The following STAG1 variants were observed in gnomAD, a reference collection of about 807,000 sequenced individuals.
The protein encoded by STAG1 is cohesin subunit SA-1.
In STAG1, 26 loss-of-function variants were observed where a neutral mutation model predicts 170.9. That is an observed-to-expected ratio of 0.15 (90% CI 0.11 to 0.21). STAG1 has a LOEUF of 0.21. Ranked by LOEUF, STAG1 falls within the 10% of genes least tolerant of loss-of-function variation. STAG1 has a pLI of 1.00. For missense variants in STAG1, 964 were observed against 1,509.5 expected (o/e 0.64, Z 5.99); for synonymous variants, 514 against 497.7 (o/e 1.03, Z -0.44).
At chr3:136,624,669 T>G (rs939892784) in intron 2 of STAG1, among the ~76,000 whole-genome samples, 1 of 152,222 alleles carries the variant, frequency 6.6e-6, no homozygotes, top group Non-Finnish European at 1.5e-5. Context: ...TCTGCATTGT[T>G]AACAATTTCT....
intron 21 of STAG1, among the ~76,000 whole-genome samples, chr3:136,409,179 G>A (rs1241052488): frequency 2.0e-5 from 3 of 152,068 alleles, no homozygotes; most frequent in Non-Finnish European, 2.9e-5. Flanking sequence ...CAGGAGAATT[G>A]GTTGAACCTG....
At chr3:136,390,812 C>G (rs2108327194) in intron 22 of STAG1, among the ~76,000 whole-genome samples, 1 of 152,278 alleles carries the variant, frequency 6.6e-6, no homozygotes, top group African/African-American at 2.4e-5. Flanking sequence ...TTGCTCACTG[C>G]TATTCTGAAG....
intron 13 of STAG1, among the ~76,000 whole-genome samples, chr3:136,452,721 T>C (rs894142158): frequency 2.0e-5 from 3 of 152,146 alleles, no homozygotes; most frequent in Admixed American, 1.3e-4. Context: ...AATGTTCAAA[T>C]ATGTGTGAAA....
intron 1 of STAG1, among the ~76,000 whole-genome samples, chr3:136,670,190 A>G (rs906073572): frequency 1.3e-5 from 2 of 152,242 alleles, no homozygotes; most frequent in African/African-American, 2.4e-5. Context: ...GCACATAGGT[A>G]TATGTAACTG....
At chr3:136,518,996 A>C (rs1318040393) in intron 7 of STAG1, among the ~76,000 whole-genome samples, 1 of 152,092 alleles carries the variant, frequency 6.6e-6, no homozygotes, top group Non-Finnish European at 1.5e-5. Context: ...GGAGATAACC[A>C]AAGGGATAAG....
intron 7 of STAG1, among the ~76,000 whole-genome samples, chr3:136,515,518 G>A (rs904108814): frequency 2.6e-4 from 40 of 152,108 alleles, no homozygotes; most frequent in Admixed American, 2.3e-3. Context: ...AGGATTATTA[G>A]TATCTATGCT....
At chr3:136,456,376 T>A (rs2089112461) in intron 13 of STAG1, among the ~76,000 whole-genome samples, 1 of 151,842 alleles carries the variant, frequency 6.6e-6, no homozygotes, top group African/African-American at 2.4e-5. Flanking sequence ...AGTGAAAAAC[T>A]CACTAGAAAG....
intron 12 of STAG1, among the ~76,000 whole-genome samples, chr3:136,469,461 A>G (rs1297703676): frequency 2.0e-5 from 3 of 152,224 alleles, no homozygotes; most frequent in East Asian, 3.9e-4. Flanking sequence ...AGAACTACAA[A>G]CCACTGCTCA....
chr3:136,470,884 C>CA (rs1413806951), intron 12 of STAG1, among the ~76,000 whole-genome samples: 2 of 150,184 alleles, frequency 1.3e-5, no homozygotes, highest in Non-Finnish European at 2.9e-5. Context: ...ATCACAAGGA[C>CA]AAAAAACCAA....
intron 25 of STAG1, among the ~76,000 whole-genome samples, chr3:136,365,626 A>G (rs898774116): frequency 1.3e-5 from 2 of 152,178 alleles, no homozygotes; most frequent in Non-Finnish European, 2.9e-5. Flanking sequence ...AGGATGAGGA[A>G]TAACTTTTCT....
rs1470936669 is a variant in STAG1, at chr3:136,463,733, A to ATGTG, written c.1313+1147_1313+1148insCACA. 8.3e-4 allele frequency among the ~76,000 whole-genome samples: 35 copies of ATGTG among 42,410 alleles called. 1 individual carries two copies. Among genetic ancestry groups the ATGTG allele is most frequent in the African/African-American group, 1.8e-3 (19 of 10,812 alleles). The allele number at this position is 42,410 out of a possible 152,430, so 27.8% of individuals were successfully genotyped here. A position where few individuals can be genotyped will look rare whatever the true frequency, so the allele number is the denominator to read the frequency against. ...TCTCTCTAAAAAAAAAAAAATGTGTATATGTGTGTGTGTGTGTGTGTGTGT... is the reference window on the plus strand; with the variant it reads ...TCTCTCTAAAAAAAAAAAAATGTGTATGTGTATGTGTGTGTGTGTGTGTGTGTGT... On this transcript the variant is annotated intron_variant, in intron 13 of 33. Transcript: ENST00000383202.
At chr3:136,515,238 G>A (rs1934300645) in intron 7 of STAG1, among the ~76,000 whole-genome samples, 1 of 151,958 alleles carries the variant, frequency 6.6e-6, no homozygotes, top group African/African-American at 2.4e-5. Flanking sequence ...GGTAGTGCAC[G>A]CCTGCAGTCC....
intron 9 of STAG1, among the ~76,000 whole-genome samples, chr3:136,498,245 T>TACAC (rs1464716530): frequency 1.0e-4 from 7 of 68,252 alleles, no homozygotes; most frequent in African/African-American, 5.1e-4. Context: ...CACATACATA[T>TACAC]ACATACACAC....
At chr3:136,748,692 G>A (rs910954850) in intron 1 of STAG1, among the ~76,000 whole-genome samples, 2 of 152,204 alleles carry the variant, frequency 1.3e-5, no homozygotes, top group Non-Finnish European at 2.9e-5. Flanking sequence ...GTCAGCCACT[G>A]TACCAGGCCA....
intron 6 of STAG1, among the ~76,000 whole-genome samples, chr3:136,532,149 AAT>A (rs950119432): frequency 6.6e-6 from 1 of 152,178 alleles, no homozygotes; most frequent in Non-Finnish European, 1.5e-5. Context: ...AGAAATGAAA[AAT>A]GAGACATTAC....
At chr3:136,471,432 G>GA (rs1478128356) in intron 12 of STAG1, among the ~76,000 whole-genome samples, 6 of 150,938 alleles carry the variant, frequency 4.0e-5, no homozygotes, top group Non-Finnish European at 8.9e-5. Flanking sequence ...ACTAGATTTT[G>GA]AAAAAAAAGA....
intron 21 of STAG1, among the ~76,000 whole-genome samples, chr3:136,404,028 G>A (rs111602679): frequency 1.2e-3 from 178 of 152,292 alleles, no homozygotes; most frequent in African/African-American, 2.5e-3. Context: ...AACTTCTCCT[G>A]TCAAGCTTCA....
At chr3:136,544,083 C>T (rs529620157) in intron 5 of STAG1, among the ~76,000 whole-genome samples, 111 of 152,288 alleles carry the variant, frequency 7.3e-4, no homozygotes, top group Admixed American at 1.3e-3. Flanking sequence ...ATCACCTAGA[C>T]CTATAGCATC....
At chr3:136,471,205 G>C (rs1029881078) in intron 12 of STAG1, among the ~76,000 whole-genome samples, 3 of 151,872 alleles carry the variant, frequency 2.0e-5, no homozygotes, top group African/African-American at 7.3e-5. Context: ...ACTCCAGCAT[G>C]AGAAACATAG....
Sources: allele counts gnomAD v4.1 joint callset (sites outside exome capture counted in the v4.1 genomes callset), GRCh38; gene constraint gnomAD v4.1.1; transcripts MANE v1.5; gene names NCBI Gene and HGNC (gene_info 2026-07-23, HGNC 2026-07-21).